The following LUZP2 variants were observed in gnomAD, a reference collection of about 807,000 sequenced individuals.
LUZP2 encodes the protein leucine zipper protein 2.
In LUZP2, 52 loss-of-function variants were observed where a neutral mutation model predicts 51.6. The observed-to-expected ratio is 1.01, with a 90% confidence interval of 0.81 to 1.27. The LOEUF (loss-of-function observed/expected upper bound fraction) is 1.27. Among genes scored for constraint, LUZP2 ranks in the 50% most tolerant of loss-of-function variants. The pLI is 0.00. For missense variants in LUZP2, 436 were observed against 395.4 expected, an observed-to-expected ratio of 1.10 and a Z score of -0.87; for synonymous variants, 154 against 137.3, an observed-to-expected ratio of 1.12 and a Z score of -0.85.
At chr11:25,032,806 A>G (rs1211514032) in intron 9 of LUZP2, among the ~76,000 whole-genome samples, 7 of 152,204 alleles carry the variant, frequency 4.6e-5, no homozygotes, top group Non-Finnish European at 8.8e-5. Context: ...GGGGCCTTAT[A>G]CAATACATTC....
intron 5 of LUZP2, among the ~76,000 whole-genome samples, chr11:24,849,595 T>C (rs1402436854): frequency 6.6e-6 from 1 of 152,168 alleles, no homozygotes; most frequent in East Asian, 1.9e-4. Context: ...TACGTGTGCA[T>C]GTTTCTTTAT....
Position 24,557,262 on chromosome 11 carries a change from T to A in LUZP2, c.62+59957T>A, listed in dbSNP as rs190792691. ...TGCTAAAAATAAATAATAATATACA[T>A]TATTGAATCAATGAGTAGAAGAGTT... On this transcript the variant is annotated intron_variant, in intron 1 of 11. Coordinates refer to ENST00000336930, the MANE Select transcript of LUZP2 (RefSeq NM_001009909.4). 3.3e-3 allele frequency among the ~76,000 whole-genome samples: 510 copies of A among 152,250 alleles called. 4 individuals are homozygous for A. The highest frequency in any genetic ancestry group is 7.5e-3 in the South Asian group (36 of 4,818).
chr11:24,738,134 A>G (rs1409233489), intron 3 of LUZP2, 87 bp from the exon 4 acceptor site: 2 of 909,484 alleles, frequency 2.2e-6, no homozygotes, highest in Admixed American at 4.8e-5. Context: ...AAATGTATAC[A>G]GCAAAGCTCC....
chr11:24,775,412 G>A (rs1564988), intron 5 of LUZP2, among the ~76,000 whole-genome samples: 120,302 of 152,096 alleles, frequency 0.79, 47,685 homozygotes, highest in East Asian at 0.86. Flanking sequence ...CTGTTATAAA[G>A]AGACATTGGG....
chr11:24,730,450 G>T lies in LUZP2; in HGVS notation c.180+1164G>T, dbSNP rs1388961172. ...CACAACCCAGTAGGACACAGAGATG[G>T]TATCAGAATGAAAACAGCGCAGGAA... is the stretch of plus-strand genomic sequence containing the variant. On this transcript the variant is annotated intron_variant, in intron 2 of 11. Coordinates refer to ENST00000336930, the MANE Select transcript of LUZP2 (RefSeq NM_001009909.4). 3.2e-4 allele frequency among the ~76,000 whole-genome samples: 48 copies of T among 151,634 alleles called. No individual in the cohort carries two copies. The Admixed American group carries it at 3.2e-3, about 10-fold the overall frequency.
At chr11:25,049,436 A>G (rs1361711414) in intron 9 of LUZP2, among the ~76,000 whole-genome samples, 2 of 152,118 alleles carry the variant, frequency 1.3e-5, no homozygotes, top group Admixed American at 6.6e-5. Flanking sequence ...CAGAACTAGG[A>G]AACAGCTTTT....
At position 24,778,394 on chromosome 11, in the gene LUZP2, A is replaced by G. The variant is rs576519356; in HGVS notation, c.396+15086A>G. ...CATACCACTGCATTCCAGCCTAGGCAACAGAGCAAGATCCTTTCAAAAAAT... is the reference window on the plus strand; with the variant it reads ...CATACCACTGCATTCCAGCCTAGGCGACAGAGCAAGATCCTTTCAAAAAAT... On this transcript the variant is annotated intron_variant, in intron 5 of 11. Coordinates refer to ENST00000336930, the MANE Select transcript of LUZP2 (RefSeq NM_001009909.4). 1.7e-4 allele frequency among the ~76,000 whole-genome samples: 24 copies of G among 144,276 alleles called. 1 individual carries two copies. The South Asian group carries it at 5.5e-3, about 33-fold the overall frequency. The allele number at this position is 144,276 out of a possible 152,430, so 94.7% of individuals were successfully genotyped here. A position where few individuals can be genotyped will look rare whatever the true frequency, so the allele number is the denominator to read the frequency against.
intron 5 of LUZP2, among the ~76,000 whole-genome samples, chr11:24,789,897 G>T (rs931492109): frequency 6.6e-5 from 10 of 152,094 alleles, no homozygotes; most frequent in Non-Finnish European, 5.9e-5. Context: ...TGACATTGTG[G>T]GGTTAGAATT....
chr11:24,902,973 T>A (rs1284612540), intron 5 of LUZP2, among the ~76,000 whole-genome samples: 1 of 152,182 alleles, frequency 6.6e-6, no homozygotes, highest in Non-Finnish European at 1.5e-5. Flanking sequence ...TAGTATATAC[T>A]ACAGACACCA....
Position 24,983,206 on chromosome 11 carries a change from G to C in LUZP2, c.678G>C (p.Leu226Phe). 6.2e-7 allele frequency: 1 copy of C among 1,612,254 alleles called. No individual in the cohort carries two copies. The highest frequency in any genetic ancestry group is 1.1e-5 in the South Asian group (1 of 91,028). ...SVFRDQPPPPLSLITSNPTRM... is the reference protein window; with the variant it reads ...SVFRDQPPPPFSLITSNPTRM... ...TCCGTGATCAGCCTCCTCCCCCTTT[G>C]AGTTTAATCACATCAAATCCAACTC... The change falls in exon 9 of 12, where the codon TTG (leucine) becomes TTC (phenylalanine). Residue 226 changes from leucine to phenylalanine, a missense_variant. By Grantham distance (22) the Leu-to-Phe change is conservative. Transcript: ENST00000336930.
intron 1 of LUZP2, among the ~76,000 whole-genome samples, chr11:24,661,941 C>T (rs527802320): frequency 4.7e-4 from 71 of 151,834 alleles, no homozygotes; most frequent in Admixed American, 2.9e-3. Context: ...CAGAGAAAAC[C>T]TTAATTTATG....
At chr11:24,983,814 A>C (rs913182893) in intron 9 of LUZP2, among the ~76,000 whole-genome samples, 1 of 32,134 alleles carries the variant, frequency 3.1e-5, no homozygotes, top group Non-Finnish European at 6.0e-5. Context: ...CTATTAAATT[A>C]GATTTTTTTT....
At chr11:25,024,209 G>C (rs563386779) in intron 9 of LUZP2, among the ~76,000 whole-genome samples, 1 of 152,008 alleles carries the variant, frequency 6.6e-6, no homozygotes, top group African/African-American at 2.4e-5. Flanking sequence ...CTGTCTCGTT[G>C]ATCTGCATTC....
At chr11:24,673,628 T>C (rs1281229116) in intron 1 of LUZP2, among the ~76,000 whole-genome samples, 1 of 152,022 alleles carries the variant, frequency 6.6e-6, no homozygotes, top group East Asian at 1.9e-4. Context: ...AATTCAGCAA[T>C]ATTGACATTG....
intron 5 of LUZP2, among the ~76,000 whole-genome samples, chr11:24,826,857 C>A (rs1850558171): frequency 1.3e-5 from 2 of 151,954 alleles, no homozygotes; most frequent in Admixed American, 1.3e-4. Flanking sequence ...TAAAGTAGAA[C>A]TACAGAAAGC....
intron 3 of LUZP2, among the ~76,000 whole-genome samples, chr11:24,737,022 A>G (rs576442754): frequency 9.2e-5 from 14 of 152,070 alleles, no homozygotes; most frequent in Non-Finnish European, 1.9e-4. Flanking sequence ...CTCAAGGCTA[A>G]TTAAGCTGGC....
intron 7 of LUZP2, among the ~76,000 whole-genome samples, chr11:24,963,078 T>A (rs1266506506): frequency 6.6e-6 from 1 of 151,954 alleles, no homozygotes; most frequent in Non-Finnish European, 1.5e-5. Flanking sequence ...AGAACAGCGG[T>A]TTTTCGTGAA....
At chr11:24,991,802 G>A (rs537371200) in intron 9 of LUZP2, among the ~76,000 whole-genome samples, 165 of 152,024 alleles carry the variant, frequency 1.1e-3, no homozygotes, top group Admixed American at 2.0e-3. Context: ...GTTTTGAATC[G>A]CATTTCCCTG....
intron 1 of LUZP2, among the ~76,000 whole-genome samples, chr11:24,688,786 G>A (rs1320688722): frequency 1.3e-5 from 2 of 152,006 alleles, no homozygotes; most frequent in African/African-American, 4.8e-5. Context: ...ATATTACTGG[G>A]AGTTCATCTC....
Sources: gnomAD v4.1 joint callset for allele counts (sites outside exome capture counted in the v4.1 genomes callset) on GRCh38, gnomAD v4.1.1 for gene constraint, MANE v1.5 for transcripts, NCBI Gene and HGNC (gene_info 2026-07-23, HGNC 2026-07-21) for gene names.